Variants in TSPAN7 observed in about 807,000 individuals in gnomAD.
TSPAN7 encodes tetraspanin-7.
In TSPAN7, 1 loss-of-function variant was observed where a neutral mutation model predicts 17.6. The ratio of observed to expected loss-of-function variants is 0.06; its 90% CI spans 0.02 to 0.27. The LOEUF (loss-of-function observed/expected upper bound fraction) is 0.27. Among genes scored for constraint, TSPAN7 ranks in the 10% least tolerant of loss-of-function variants. TSPAN7 has a pLI of 1.00. For synonymous variants in TSPAN7, 78 were observed against 79.0 expected (o/e 0.99, Z 0.07); for missense variants, 112 against 201.7 (o/e 0.56, Z 2.69).
intron 1 of TSPAN7, among the ~76,000 whole-genome samples, chrX:38,630,929 T>C (rs2069546980): frequency 8.9e-6 from 1 of 112,256 alleles, no homozygotes; most frequent in Admixed American, 9.4e-5. Context: ...ATACTAACCT[T>C]TTCATCTGTG....
At chrX:38,564,404 A>C (rs760250789) in intron 1 of TSPAN7, among the ~76,000 whole-genome samples, 44 of 111,915 alleles carry the variant, frequency 3.9e-4, no homozygotes, top group Non-Finnish European at 6.2e-4. Flanking sequence ...GGGACATTTG[A>C]GTTGATTGGG....
Position 38,568,821 on chromosome X carries a change from T to G in TSPAN7, c.81+7194T>G, listed in dbSNP as rs58006321. 1.1e-3 allele frequency among the ~76,000 whole-genome samples: 119 copies of G among 111,233 alleles called. 2 individuals are homozygous for G. In the East Asian group the frequency reaches 0.03, roughly 28 times the overall value. On this transcript the variant is annotated intron_variant, in intron 1 of 7. Transcript: ENST00000378482. Reference sequence around the variant, plus strand: ...TTCTCCCCTTCTATTTTCTACCTCTTTTTCTTCTTGTTCTATTTCTGGGAG... The same window carrying G: ...TTCTCCCCTTCTATTTTCTACCTCTGTTTCTTCTTGTTCTATTTCTGGGAG...
At chrX:38,576,083 T>G (rs1205486306) in intron 1 of TSPAN7, among the ~76,000 whole-genome samples, 1 of 112,043 alleles carries the variant, frequency 8.9e-6, no homozygotes, top group African/African-American at 3.2e-5. Flanking sequence ...CCTTTGCCAT[T>G]GTAGTGTGAA....
chrX:38,631,887 C>G (rs1470371358), intron 1 of TSPAN7, among the ~76,000 whole-genome samples: 1 of 112,079 alleles, frequency 8.9e-6, no homozygotes, highest in Non-Finnish European at 1.9e-5. Context: ...GTACCTTATG[C>G]AAAGTTAAAC....
intron 6 of TSPAN7, among the ~76,000 whole-genome samples, chrX:38,685,001 A>G (rs1239334236): frequency 8.9e-6 from 1 of 111,945 alleles, no homozygotes; most frequent in Non-Finnish European, 1.9e-5. Context: ...AAAGGTACTC[A>G]TAAGAAAACA....
intron 1 of TSPAN7, among the ~76,000 whole-genome samples, chrX:38,609,794 G>A (rs187056997): frequency 5.4e-5 from 6 of 110,353 alleles, no homozygotes; most frequent in South Asian, 3.9e-4. Context: ...TTCTAAAGCC[G>A]TTCTTGCCAA....
In TSPAN7 at chrX:38,658,998, CCATA is replaced by C. The variant is rs2069722394; in HGVS notation, c.82-7120_82-7117del. Among the ~76,000 whole-genome samples the C allele has an allele frequency of 1.8e-4, 9 of 49,612 alleles. No homozygotes were observed. The Admixed American group carries it at 2.9e-3, about 16-fold the overall frequency. 43.1% of individuals were successfully genotyped at this position (49,612 alleles called of 115,157 possible). A position where few individuals can be genotyped will look rare whatever the true frequency, so the allele number is the denominator to read the frequency against. On this transcript the variant is annotated intron_variant, in intron 1 of 7. Transcript: ENST00000378482. Reference sequence around the variant, plus strand: ...TCAGCCATATAACATGTATTATCTTCCATACACACACACACACACACACACACAC... The same window carrying C: ...TCAGCCATATAACATGTATTATCTTCCACACACACACACACACACACACAC...
intron 1 of TSPAN7, among the ~76,000 whole-genome samples, chrX:38,619,616 A>T (rs2069478020): frequency 8.9e-6 from 1 of 111,946 alleles, no homozygotes; most frequent in African/African-American, 3.2e-5. Flanking sequence ...ATAACCCTTC[A>T]TTCCTAAATT....
chrX:38,687,538 A>G lies in TSPAN7; in HGVS notation c.682-61A>G, dbSNP rs2069933481. The stretch of plus-strand genomic sequence containing the variant: ...AAATATATAAAATTATTAATTAAAT[A>G]TTAAAAGGGTGTGGTTCGGTGACTT... On this transcript the variant is annotated intron_variant, in intron 6 of 7. Transcript: ENST00000378482. 4.9e-6 allele frequency: 5 copies of G among 1,023,658 alleles called. No homozygotes were observed. In the Admixed American group the frequency reaches 1.2e-4, roughly 25 times the overall value. The allele number at this position is 1,023,658 out of a possible 1,213,427, so 84.4% of individuals were successfully genotyped here. A position where few individuals can be genotyped will look rare whatever the true frequency, so the allele number is the denominator to read the frequency against.
At chrX:38,593,076 G>T (rs1214556793) in intron 1 of TSPAN7, among the ~76,000 whole-genome samples, 4 of 110,559 alleles carry the variant, frequency 3.6e-5, no homozygotes, top group Non-Finnish European at 7.6e-5. Flanking sequence ...TTTTAAAGAT[G>T]TTTCTCCTAG....
At chrX:38,671,801 G>T (rs193187221) in intron 3 of TSPAN7, among the ~76,000 whole-genome samples, 291 of 111,397 alleles carry the variant, frequency 2.6e-3, no homozygotes, top group African/African-American at 9.1e-3. Flanking sequence ...CCAGAGCTTT[G>T]CAAGGCCTGG....
rs764350033 is a variant in TSPAN7, at chrX:38,674,272, G to A, written c.397G>A (p.Gly133Ser). Residue 133 changes from glycine to serine, a missense_variant, in exon 4 of 8, where the codon GGC becomes AGC. Gly to Ser is a moderately conservative substitution (Grantham distance 56, BLOSUM62 0). Transcript: ENST00000378482. ...TYTDAMQTYN[G>S]NDERSRAVDH... ...CACGGACGCTATGCAGACTTACAAT[G>A]GCAATGATGAGAGGAGCCGGGCAGT... The A allele has an allele frequency of 8.3e-7, 1 of 1,201,105 alleles. No homozygotes were observed. Among genetic ancestry groups the A allele is most frequent in the Non-Finnish European group, 1.1e-6 (1 of 889,786 alleles).
At chrX:38,645,440 A>G (rs897725409) in intron 1 of TSPAN7, among the ~76,000 whole-genome samples, 4 of 112,213 alleles carry the variant, frequency 3.6e-5, no homozygotes, top group African/African-American at 1.3e-4. Context: ...CTGTAGTCCC[A>G]GCTACTTGGA....
At chrX:38,562,990 G>C in intron 1 of TSPAN7, 3 of 971,090 alleles carry the variant, frequency 3.1e-6, no homozygotes, top group Non-Finnish European at 4.0e-6. Context: ...GCACAGTGCT[G>C]TATGAGGTAC....
chrX:38,669,061 T>C (rs2069803264), intron 2 of TSPAN7, among the ~76,000 whole-genome samples: 1 of 111,044 alleles, frequency 9.0e-6, no homozygotes, highest in Admixed American at 9.6e-5. Flanking sequence ...CTATAGTTAA[T>C]GTATTACATA....
At chrX:38,589,051 C>T (rs1413513584) in intron 1 of TSPAN7, among the ~76,000 whole-genome samples, 1 of 111,819 alleles carries the variant, frequency 8.9e-6, no homozygotes, top group Non-Finnish European at 1.9e-5. Flanking sequence ...GGCTATTTCA[C>T]CCCAGGTCGC....
At chrX:38,626,065 G>A (rs761746489) in intron 1 of TSPAN7, among the ~76,000 whole-genome samples, 4 of 112,455 alleles carry the variant, frequency 3.6e-5, no homozygotes, top group African/African-American at 6.5e-5. Flanking sequence ...GCTTGGCATT[G>A]TGCCTGGGAC....
At chrX:38,583,014 G>A (rs1271182342) in intron 1 of TSPAN7, among the ~76,000 whole-genome samples, 7 of 111,499 alleles carry the variant, frequency 6.3e-5, no homozygotes, top group Non-Finnish European at 1.3e-4. Flanking sequence ...CAGTTTCCTG[G>A]TTTTCCTACC....
intron 1 of TSPAN7, among the ~76,000 whole-genome samples, chrX:38,662,896 G>T (rs1449016280): frequency 9.1e-6 from 1 of 109,918 alleles, no homozygotes; most frequent in Non-Finnish European, 1.9e-5. Context: ...TCCCTCTAAG[G>T]CTTAACCTTG....
Sources: gnomAD v4.1 joint callset for allele counts (sites outside exome capture counted in the v4.1 genomes callset) on GRCh38, gnomAD v4.1.1 for gene constraint, MANE v1.5 for transcripts, NCBI Gene and HGNC (gene_info 2026-07-23, HGNC 2026-07-21) for gene names.